The following ZNF484 variants were observed in gnomAD, a reference collection of about 807,000 sequenced individuals.
The protein encoded by ZNF484 is zinc finger protein 484, also known as KRAB box containing C2H2 type zinc finger bA526D8.4.
In ZNF484, 11 loss-of-function variants were observed where a neutral mutation model predicts 12.9. That is an observed-to-expected ratio of 0.85 (90% CI 0.54 to 1.41). The LOEUF is 1.41. Ranked by LOEUF, ZNF484 falls within the 40% of genes most tolerant of loss-of-function variation. The pLI, the probability that ZNF484 is intolerant of heterozygous loss-of-function variation, is 0.00. For missense variants in ZNF484, 807 were observed against 1,007.7 expected (o/e 0.80, Z 2.70); for synonymous variants, 289 against 334.1 (o/e 0.86, Z 1.47).
intron 2 of ZNF484, among the ~76,000 whole-genome samples, chr9:92,872,231 CAA>C (rs59372760): frequency 0.088 from 3,988 of 45,484 alleles, 71 homozygotes; most frequent in East Asian, 0.28. Flanking sequence ...ATCTCTGCCT[CAA>C]AAAAAAAAAA....
rs752312667 is a variant in ZNF484, at chr9:92,848,106, T to C, written c.681A>G (p.Gln227=). The change falls in exon 5 of 5, where the codon CAA becomes CAG. Residue 227 remains glutamine, a synonymous_variant. Coordinates refer to ENST00000375495, the MANE Select transcript of ZNF484 (RefSeq NM_031486.4). The surrounding 1 kb of genome is among the most constrained non-coding windows in gnomAD (Gnocchi z 4.1). The part of the protein sequence containing the change: ...HTEVTACECN[Q]CGKPLHHKQA... ...GCTTATGATGCAGAGGTTTCCCACA[T>C]TGGTTACATTCACAAGCAGTCACTT... is the stretch of plus-strand genomic sequence containing the variant. 9.3e-6 allele frequency: 15 copies of C among 1,614,088 alleles called. No individual in the cohort carries two copies. The highest frequency in any genetic ancestry group is 2.2e-5 in the East Asian group (1 of 44,888).
At position 92,848,421 on chromosome 9, in the gene ZNF484, A is replaced by G. The variant is rs1855837515; in HGVS notation, c.366T>C (p.Asp122=). 11 of 1,614,156 alleles carry G rather than the reference A, an allele frequency of 6.8e-6. No individual in the cohort carries two copies. In the East Asian group the frequency reaches 2.5e-4, roughly 36 times the overall value. The part of the protein sequence containing the change: ...YSILEELWKD[D]EHTRKCGENQ... ...TTTCTCCACATTTTCTTGTGTGTTC[A>G]TCGTCTTTCCACAATTCTTCTAAAA... The change falls in exon 5 of 5, where the codon GAT becomes GAC. Residue 122 remains aspartate (D), a synonymous_variant. Transcript: ENST00000375495. The surrounding 1 kb of genome is among the most constrained non-coding windows in gnomAD (Gnocchi z 4.1).
In ZNF484 at chr9:92,847,995, T is replaced by C. The variant is rs142194216; in HGVS notation, c.792A>G (p.Ser264=). Residue 264 remains serine, a synonymous_variant, in exon 5 of 5, where the codon TCA becomes TCG. Transcript: ENST00000375495. The part of the protein sequence containing the change: ...SDYVNVFSPK[S]HAFAHESICA... ...AAATACTCTCATGTGCAAAGGCATG[T>C]GACTTCGGGGAGAAAACATTTACGT... is the stretch of plus-strand genomic sequence containing the variant. 356 of 1,614,244 alleles carry C rather than the reference T, an allele frequency of 2.2e-4. 1 individual carries two copies. In the African/African-American group the frequency reaches 4.3e-3, roughly 20 times the overall value.
chr9:92,860,992 A>G (rs919053812), intron 2 of ZNF484, among the ~76,000 whole-genome samples: 2 of 152,218 alleles, frequency 1.3e-5, no homozygotes, highest in African/African-American at 4.8e-5. Flanking sequence ...CAGAATCAAC[A>G]TAGAAAAAGC....
chr9:92,846,172 C>G lies in ZNF484; in HGVS notation c.*56G>C. 5 of 1,535,878 alleles carry G rather than the reference C, an allele frequency of 3.3e-6. No homozygotes were observed. Among genetic ancestry groups the G allele is most frequent in the Non-Finnish European group, 3.5e-6 (4 of 1,139,674 alleles). ...ATTGCTTAAACACTCTCAAAAGTGT[C>G]TCCCCATATGTGTAACTACACATCA... On this transcript the variant is annotated 3_prime_UTR_variant, in exon 5 of 5. Transcript: ENST00000375495.
chr9:92,855,058 T>G (rs977850914), intron 4 of ZNF484, among the ~76,000 whole-genome samples: 1 of 152,140 alleles, frequency 6.6e-6, no homozygotes, highest in African/African-American at 2.4e-5. Flanking sequence ...GTATGGAGAC[T>G]GAGGATTAAA....
intron 2 of ZNF484, among the ~76,000 whole-genome samples, chr9:92,859,902 C>T (rs1856678196): frequency 6.6e-6 from 1 of 152,176 alleles, no homozygotes; most frequent in Admixed American, 6.5e-5. Context: ...GGTTTTCTCC[C>T]AGTGGAGTCA....
chr9:92,846,741 A>T lies in ZNF484; in HGVS notation c.2046T>A (p.His682Gln), dbSNP rs1352354034. The change falls in exon 5 of 5, where the codon CAT (histidine) becomes CAA (glutamine). Residue 682 changes from histidine to glutamine, a missense_variant. Physicochemically the swap from His to Gln is conservative, Grantham distance 24. Coordinates refer to ENST00000375495, the MANE Select transcript of ZNF484 (RefSeq NM_031486.4). Reference sequence around the variant, plus strand: ...GCCTTTCTCCAGTATGGGATTGCTGATGTATATGGAGACCTGACTTCCTAG... The same window carrying T: ...GCCTTTCTCCAGTATGGGATTGCTGTTGTATATGGAGACCTGACTTCCTAG... ...AFTRKSGLHIHQQSHTGERHY... is the reference protein window; with the variant it reads ...AFTRKSGLHIQQQSHTGERHY... 1.2e-6 allele frequency: 2 copies of T among 1,613,860 alleles called. No homozygotes were observed. Among genetic ancestry groups the T allele is most frequent in the Admixed American group, 3.3e-5 (2 of 59,980 alleles).
At chr9:92,869,605 T>G (rs1389884838) in intron 2 of ZNF484, among the ~76,000 whole-genome samples, 3 of 152,194 alleles carry the variant, frequency 2.0e-5, no homozygotes, top group Non-Finnish European at 4.4e-5. Flanking sequence ...AGATGGAGGG[T>G]ACATGAGAAA....
intron 2 of ZNF484, among the ~76,000 whole-genome samples, chr9:92,870,219 C>T (rs1302448610): frequency 6.6e-6 from 1 of 152,180 alleles, no homozygotes; most frequent in Non-Finnish European, 1.5e-5. Context: ...CTTTCGGCCT[C>T]ATATAGATAG....
In ZNF484 at chr9:92,856,333, A is replaced by AAC; in HGVS notation, c.16-16_16-15insGT. 2 of 1,538,696 alleles carry AAC rather than the reference A, an allele frequency of 1.3e-6. No individual in the cohort carries two copies. The highest frequency in any genetic ancestry group is 1.7e-6 in the Non-Finnish European group (2 of 1,148,354). ...GACACTGATTCCTGTTAAAAAAAAA[A>AAC]AACAAACTTTAAAATAATTTTTTAA... On this transcript the variant is annotated splice_polypyrimidine_tract_variant and intron_variant, in intron 2 of 4. Transcript: ENST00000375495.
At chr9:92,865,802 G>A (rs1390055667) in intron 2 of ZNF484, among the ~76,000 whole-genome samples, 1 of 152,128 alleles carries the variant, frequency 6.6e-6, no homozygotes, top group Non-Finnish European at 1.5e-5. Context: ...CCAGCTACTT[G>A]GGAGGCAGGG....
Position 92,852,974 on chromosome 9 carries a change from T to G in ZNF484, c.235+2837A>C, listed in dbSNP as rs116238071. On this transcript the variant is annotated intron_variant, in intron 4 of 4. Coordinates refer to ENST00000375495, the MANE Select transcript of ZNF484 (RefSeq NM_031486.4). ...CAGGGACAAATGTGAATTGCAAATA[T>G]GAGGCCATATTCTTTCTCTAGCTTA... Among the ~76,000 whole-genome samples the G allele has an allele frequency of 5.9e-3, 898 of 152,348 alleles. 7 individuals are homozygous for G. Among genetic ancestry groups the G allele is most frequent in the African/African-American group, 0.021 (867 of 41,588 alleles).
intron 4 of ZNF484, 40 bp downstream of exon 4, chr9:92,855,771 T>C (rs1395664880): frequency 5.0e-6 from 8 of 1,585,828 alleles, no homozygotes; most frequent in Non-Finnish European, 6.9e-6. Flanking sequence ...CAAATGCAGC[T>C]GAGTCATACT....
chr9:92,869,402 C>G (rs1251478186), intron 2 of ZNF484, among the ~76,000 whole-genome samples: 1 of 147,814 alleles, frequency 6.8e-6, no homozygotes, highest in Non-Finnish European at 1.5e-5. Context: ...TAAAATGCAG[C>G]CTATTGATTT....
chr9:92,845,986 G>A lies in ZNF484; in HGVS notation c.*242C>T. On this transcript the variant is annotated 3_prime_UTR_variant, in exon 5 of 5. Coordinates refer to ENST00000375495, the MANE Select transcript of ZNF484 (RefSeq NM_031486.4). The surrounding 1 kb of genome is among the most constrained non-coding windows in gnomAD (Gnocchi z 4.0). ...TTTTGCGGGTCAATATTGAATAGTT[G>A]TGGTACCCAGAACATGAAAAACTCA... 3.9e-6 allele frequency: 2 copies of A among 511,884 alleles called. No individual in the cohort carries two copies. Among genetic ancestry groups the A allele is most frequent in the South Asian group, 5.4e-5 (2 of 37,084 alleles). 31.7% of individuals were successfully genotyped at this position (511,884 alleles called of 1,614,324 possible).
chr9:92,857,786 G>T (rs1329156716), intron 2 of ZNF484, among the ~76,000 whole-genome samples: 1 of 151,942 alleles, frequency 6.6e-6, no homozygotes, highest in Non-Finnish European at 1.5e-5. Context: ...TCTGAGACAG[G>T]GTCTTGCTCT....
At position 92,848,433 on chromosome 9, in the gene ZNF484, C is replaced by T. The variant is rs1307289660; in HGVS notation, c.354G>A (p.Leu118=). ...RDDPYSILEE[L]WKDDEHTRKC... ...TTCTTGTGTGTTCATCGTCTTTCCACAATTCTTCTAAAATGGAATATGGGT... is the reference window on the plus strand; with the variant it reads ...TTCTTGTGTGTTCATCGTCTTTCCATAATTCTTCTAAAATGGAATATGGGT... The change falls in exon 5 of 5, where the codon TTG becomes TTA. Residue 118 remains leucine, a synonymous_variant. Coordinates refer to ENST00000375495, the MANE Select transcript of ZNF484 (RefSeq NM_031486.4). This position sits in a 1 kb window ranked among gnomAD's most constrained non-coding sequence, Gnocchi z 4.1. 6.2e-7 allele frequency: 1 copy of T among 1,614,120 alleles called. No homozygotes were observed. The highest frequency in any genetic ancestry group is 1.7e-5 in the Admixed American group (1 of 60,020).
intron 4 of ZNF484, among the ~76,000 whole-genome samples, chr9:92,853,386 T>C (rs1856228245): frequency 1.3e-5 from 2 of 152,228 alleles, no homozygotes; most frequent in Non-Finnish European, 1.5e-5. Flanking sequence ...CATGCTACAT[T>C]GTATCTTGTC....
Sources: gnomAD v4.1 joint callset for allele counts (sites outside exome capture counted in the v4.1 genomes callset) on GRCh38, gnomAD v4.1.1 for gene constraint, Gnocchi (gnomAD v3.1) non-coding constraint, MANE v1.5 for transcripts, NCBI Gene and HGNC (gene_info 2026-07-23, HGNC 2026-07-21) for gene names.